The following EYS variants were observed in gnomAD, a reference collection of about 807,000 sequenced individuals.
EYS encodes EGF-like photoreceptor maintenance factor, also known as protein eyes shut homolog.
In EYS, 250 loss-of-function variants were observed where a neutral mutation model predicts 282.1. That is an observed-to-expected ratio of 0.89 (90% CI 0.80 to 0.98). The LOEUF (loss-of-function observed/expected upper bound fraction) is 0.98. Among genes scored for constraint, EYS ranks in the 50% least tolerant of loss-of-function variants. EYS has a pLI of 0.00. For synonymous variants in EYS, 1,355 were observed against 1,282.9 expected (o/e 1.06, Z -1.20); for missense variants, 4,016 against 3,709.0 (o/e 1.08, Z -2.15).
intron 12 of EYS, among the ~76,000 whole-genome samples, chr6:65,061,671 C>G (rs1198293786): frequency 6.6e-6 from 1 of 151,846 alleles, no homozygotes; most frequent in African/African-American, 2.4e-5. Context: ...CACACATATA[C>G]ATTTAAATTA....
intron 22 of EYS, among the ~76,000 whole-genome samples, chr6:64,650,900 C>A (rs974295081): frequency 7.2e-5 from 11 of 151,770 alleles, no homozygotes; most frequent in African/African-American, 2.7e-4. Flanking sequence ...AATACCACAG[C>A]AATATATTAA....
At chr6:65,050,016 G>C (rs973054802) in intron 13 of EYS, among the ~76,000 whole-genome samples, 1 of 151,466 alleles carries the variant, frequency 6.6e-6, no homozygotes, top group African/African-American at 2.4e-5. Flanking sequence ...GCAGTCAATA[G>C]GTTATAAAGG....
chr6:64,351,353 C>T (rs1771628670), intron 29 of EYS, among the ~76,000 whole-genome samples: 1 of 151,368 alleles, frequency 6.6e-6, no homozygotes, highest in Non-Finnish European at 1.5e-5. Flanking sequence ...GTCGGCTAAA[C>T]CAAGTAGTAT....
At chr6:65,383,430 A>G (rs10944794) in intron 8 of EYS, among the ~76,000 whole-genome samples, 62,597 of 151,522 alleles carry the variant, frequency 0.41, 13,920 homozygotes, top group South Asian at 0.5. Context: ...TGAATCCTGG[A>G]ATTTTGCCAT....
chr6:64,404,509 T>G (rs192820338), intron 28 of EYS, among the ~76,000 whole-genome samples: 126 of 152,292 alleles, frequency 8.3e-4, no homozygotes, highest in Non-Finnish European at 4.7e-4. Context: ...CCATTTATTA[T>G]CTAGCAGAAT....
chr6:64,713,924 A>C (rs535431984), intron 22 of EYS, among the ~76,000 whole-genome samples: 151 of 152,300 alleles, frequency 9.9e-4, no homozygotes, highest in Non-Finnish European at 1.1e-3. Flanking sequence ...GTATTACTGA[A>C]GGCATTATGT....
At chr6:65,240,017 G>A (rs1027491342) in intron 12 of EYS, among the ~76,000 whole-genome samples, 3 of 150,126 alleles carry the variant, frequency 2.0e-5, no homozygotes, top group African/African-American at 7.4e-5. Flanking sequence ...TGCCCAGGCT[G>A]GAGTACAGTG....
At chr6:63,788,081 A>G in intron 39 of EYS, 24 bp downstream of exon 39, 1 of 1,494,434 alleles carries the variant, frequency 6.7e-7, no homozygotes, top group Non-Finnish European at 9.0e-7. Flanking sequence ...AGTAGGTATA[A>G]TATAAAAAAT....
rs575110007 is a variant in EYS, at chr6:65,513,918, A to G, written c.-332-17925T>C. 2.6e-5 allele frequency among the ~76,000 whole-genome samples: 4 copies of G among 152,278 alleles called. No homozygotes were observed. In the East Asian group the frequency reaches 7.7e-4, roughly 29 times the overall value. Reference sequence around the variant, plus strand: ...CCCTCTCTCACCACTCCTATTCAACATAGTGTTGGAAGTCCTGGTCAGGGC... The same window carrying G: ...CCCTCTCTCACCACTCCTATTCAACGTAGTGTTGGAAGTCCTGGTCAGGGC... On this transcript the variant is annotated intron_variant, in intron 2 of 42. Transcript: ENST00000503581.
chr6:64,062,821 A>AT (rs1039349892), intron 33 of EYS, among the ~76,000 whole-genome samples: 2 of 151,986 alleles, frequency 1.3e-5, no homozygotes, highest in East Asian at 1.9e-4. Context: ...TTCATGTTAC[A>AT]TTTTTTTCTC....
chr6:64,484,377 C>T (rs1776523125), intron 26 of EYS, among the ~76,000 whole-genome samples: 1 of 151,374 alleles, frequency 6.6e-6, no homozygotes, highest in African/African-American at 2.4e-5. Flanking sequence ...AAAAAAGTAG[C>T]TGTTGCAAGC....
intron 29 of EYS, among the ~76,000 whole-genome samples, chr6:64,338,270 A>T (rs1770937639): frequency 6.6e-6 from 1 of 152,050 alleles, no homozygotes; most frequent in Non-Finnish European, 1.5e-5. Flanking sequence ...CTGATGAAGA[A>T]TTCAGCAAAG....
At chr6:64,284,691 T>A (rs778997617) in intron 30 of EYS, among the ~76,000 whole-genome samples, 38 of 152,138 alleles carry the variant, frequency 2.5e-4, no homozygotes, top group Non-Finnish European at 4.4e-4. Context: ...TTTCCATACA[T>A]CTTCTGAAAT....
intron 2 of EYS, among the ~76,000 whole-genome samples, chr6:65,620,390 C>T (rs866555647): frequency 1.3e-4 from 20 of 150,978 alleles, no homozygotes; most frequent in Non-Finnish European, 1.9e-4. Context: ...TGTGTGGGAT[C>T]GGTGGTGATA....
In EYS at chr6:64,394,866, T is replaced by C. The variant is rs1449089721; in HGVS notation, c.5928-6026A>G. Among the ~76,000 whole-genome samples the C allele has an allele frequency of 2.6e-5, 4 of 152,002 alleles. No individual in the cohort carries two copies. In the South Asian group the frequency reaches 6.2e-4, roughly 24 times the overall value. ...GGCAACTGACAAAATGGGAGAAAAT[T>C]TTTGCAACCTACTCATCTGACAAAG... On this transcript the variant is annotated intron_variant, in intron 28 of 42. Transcript: ENST00000503581.
At chr6:63,946,810 G>C (rs932442527) in intron 35 of EYS, among the ~76,000 whole-genome samples, 6 of 145,226 alleles carry the variant, frequency 4.1e-5, no homozygotes, top group Non-Finnish European at 6.0e-5. Flanking sequence ...TAGAAACTTT[G>C]AAGCACCAGA....
At chr6:64,561,305 G>C (rs1024766272) in intron 26 of EYS, among the ~76,000 whole-genome samples, 1 of 152,044 alleles carries the variant, frequency 6.6e-6, no homozygotes, top group Non-Finnish European at 1.5e-5. Context: ...ATTCAACATA[G>C]TATTGAAAGT....
In EYS at chr6:64,622,338, T is replaced by C. The variant is rs532150618; in HGVS notation, c.3568+3783A>G. ...ATAAATGAATTGTACTTTTTCAATA[T>C]GTGCTGAACACTCCCCAAGGACTGA... On this transcript the variant is annotated intron_variant, in intron 23 of 42. Transcript: ENST00000503581. Among the ~76,000 whole-genome samples the C allele has an allele frequency of 3.9e-5, 6 of 152,234 alleles. No homozygotes were observed. The East Asian group carries it at 9.7e-4, about 25-fold the overall frequency.
intron 31 of EYS, among the ~76,000 whole-genome samples, chr6:64,214,007 T>G (rs1479527102): frequency 6.6e-6 from 1 of 152,138 alleles, no homozygotes; most frequent in East Asian, 1.9e-4. Context: ...AGAAATCTTT[T>G]TGGATAGTCA....
Sources: allele counts gnomAD v4.1 joint callset (sites outside exome capture counted in the v4.1 genomes callset), GRCh38; gene constraint gnomAD v4.1.1; transcripts MANE v1.5; gene names NCBI Gene and HGNC (gene_info 2026-07-23, HGNC 2026-07-21).